The following MACROD2 variants were observed in gnomAD, a reference collection of about 807,000 sequenced individuals.
MACROD2 encodes ADP-ribose glycohydrolase MACROD2.
A neutral mutation model predicts 70.4 loss-of-function variants in MACROD2; 36 were observed. The observed-to-expected ratio is 0.51, with a 90% confidence interval of 0.39 to 0.68. The LOEUF is 0.68. Ranked by LOEUF, MACROD2 falls within the 30% of genes least tolerant of loss-of-function variation. The probability of loss-of-function intolerance (pLI) is 0.00; values close to 1 mark genes in which losing one functional copy is unlikely to be tolerated. For synonymous variants in MACROD2, 172 were observed against 178.8 expected, an observed-to-expected ratio of 0.96 and a Z score of 0.30; for missense variants, 496 against 538.4, an observed-to-expected ratio of 0.92 and a Z score of 0.78.
intron 3 of MACROD2, among the ~76,000 whole-genome samples, chr20:14,350,711 T>A (rs2083115719): frequency 1.3e-5 from 2 of 152,208 alleles, no homozygotes; most frequent in African/African-American, 4.8e-5. Context: ...GTGGGTTGTC[T>A]CTTCACTTTG....
At chr20:15,771,991 A>G (rs1329344269) in intron 8 of MACROD2, among the ~76,000 whole-genome samples, 2 of 149,380 alleles carry the variant, frequency 1.3e-5, no homozygotes, top group Non-Finnish European at 3.0e-5. Flanking sequence ...AGGCTGAGGC[A>G]GGAGAATGGC....
At chr20:14,224,721 G>T (rs2081716205) in intron 3 of MACROD2, among the ~76,000 whole-genome samples, 2 of 152,124 alleles carry the variant, frequency 1.3e-5, no homozygotes, top group Admixed American at 1.3e-4. Context: ...ATGTTTTGTA[G>T]GGAGGAGAAA....
At chr20:14,207,273 GT>G (rs778943306) in intron 3 of MACROD2, among the ~76,000 whole-genome samples, 7 of 151,600 alleles carry the variant, frequency 4.6e-5, no homozygotes, top group Non-Finnish European at 1.0e-4. Flanking sequence ...AATTTTTGTG[GT>G]TTTTTTTAGT....
intron 5 of MACROD2, among the ~76,000 whole-genome samples, chr20:14,764,883 G>A (rs1371612752): frequency 6.6e-6 from 1 of 152,026 alleles, no homozygotes; most frequent in South Asian, 2.1e-4. Flanking sequence ...GGATCAGGAT[G>A]GATGGAATAT....
chr20:14,989,498 G>A (rs2074881188), intron 5 of MACROD2, among the ~76,000 whole-genome samples: 1 of 152,150 alleles, frequency 6.6e-6, no homozygotes, highest in Non-Finnish European at 1.5e-5. Context: ...CAAGAAAAGG[G>A]AGTGGAGGCA....
At chr20:15,326,089 T>C (rs1028049510) in intron 6 of MACROD2, among the ~76,000 whole-genome samples, 2 of 152,068 alleles carry the variant, frequency 1.3e-5, no homozygotes, top group African/African-American at 2.4e-5. Context: ...CAATCAGGAC[T>C]GTTTTTCATA....
intron 5 of MACROD2, among the ~76,000 whole-genome samples, chr20:15,026,622 C>T (rs1268508850): frequency 6.6e-6 from 1 of 151,992 alleles, no homozygotes; most frequent in Admixed American, 6.6e-5. Flanking sequence ...TTGCCTGCAT[C>T]AAAATGTGCT....
intron 8 of MACROD2, among the ~76,000 whole-genome samples, chr20:15,567,812 C>T (rs943924326): frequency 7.2e-5 from 11 of 152,348 alleles, no homozygotes; most frequent in African/African-American, 2.2e-4. Context: ...AGCTGTTTCT[C>T]TGCTCCAGTG....
At chr20:15,234,704 A>T (rs913922440) in intron 6 of MACROD2, among the ~76,000 whole-genome samples, 1 of 152,134 alleles carries the variant, frequency 6.6e-6, no homozygotes, top group Admixed American at 6.5e-5. Context: ...TCTAAAACAT[A>T]CTAACAGAAA....
intron 5 of MACROD2, among the ~76,000 whole-genome samples, chr20:15,188,104 T>C (rs2076545599): frequency 6.6e-6 from 1 of 152,202 alleles, no homozygotes; most frequent in Non-Finnish European, 1.5e-5. Flanking sequence ...TCATCTTTGA[T>C]ATATTAATAT....
intron 3 of MACROD2, among the ~76,000 whole-genome samples, chr20:14,154,696 G>A (rs1007430511): frequency 2.6e-5 from 4 of 151,796 alleles, no homozygotes; most frequent in Non-Finnish European, 5.9e-5. Flanking sequence ...ATAGGCGTGA[G>A]CCACCGCGCC....
chr20:14,784,163 A>G (rs2072335708), intron 5 of MACROD2, among the ~76,000 whole-genome samples: 3 of 152,100 alleles, frequency 2.0e-5, no homozygotes, highest in Non-Finnish European at 4.4e-5. Flanking sequence ...TCGCTCCTAC[A>G]GTCAATCACG....
intron 6 of MACROD2, among the ~76,000 whole-genome samples, chr20:15,365,554 A>G (rs57788234): frequency 0.037 from 5,669 of 151,902 alleles, 352 homozygotes; most frequent in African/African-American, 0.13. Flanking sequence ...CCAGGTACTT[A>G]GGAGGCTGAG....
chr20:14,944,145 G>T (rs2074411635), intron 5 of MACROD2, among the ~76,000 whole-genome samples: 1 of 151,958 alleles, frequency 6.6e-6, no homozygotes, highest in African/African-American at 2.4e-5. Flanking sequence ...CCTAACTCCT[G>T]AGAAGGTATT....
intron 3 of MACROD2, among the ~76,000 whole-genome samples, chr20:14,311,879 T>G (rs368077592): frequency 6.6e-5 from 10 of 152,250 alleles, no homozygotes; most frequent in African/African-American, 1.4e-4. Flanking sequence ...CCACCCAAAT[T>G]ATTTCAATTT....
Position 14,193,632 on chromosome 20 carries a change from A to C in MACROD2, c.271+107904A>C, listed in dbSNP as rs543061078. Among the ~76,000 whole-genome samples, 3 of 152,328 alleles carry C rather than the reference A, an allele frequency of 2.0e-5. No homozygotes were observed. In the East Asian group the frequency reaches 5.8e-4, roughly 29 times the overall value. On this transcript the variant is annotated intron_variant, in intron 3 of 17. Transcript: ENST00000684519. Reference sequence around the variant, plus strand: ...GTTGCCCGGGTCAAGTAAGAACTTGAGTCCTGCAGGAGGAGCTAGAGCTGT... The same window carrying C: ...GTTGCCCGGGTCAAGTAAGAACTTGCGTCCTGCAGGAGGAGCTAGAGCTGT...
chr20:15,769,192 G>T (rs2051579980), intron 8 of MACROD2, among the ~76,000 whole-genome samples: 1 of 152,132 alleles, frequency 6.6e-6, no homozygotes, highest in Non-Finnish European at 1.5e-5. Flanking sequence ...CTCTCACCCA[G>T]GCTGGAGTGC....
At chr20:14,180,367 G>A (rs1267577393) in intron 3 of MACROD2, among the ~76,000 whole-genome samples, 1 of 151,980 alleles carries the variant, frequency 6.6e-6, no homozygotes, top group East Asian at 1.9e-4. Flanking sequence ...TACATTCCAG[G>A]TTAATTCTTG....
intron 3 of MACROD2, among the ~76,000 whole-genome samples, chr20:14,273,776 G>T (rs528485169): frequency 2.0e-4 from 31 of 152,056 alleles, no homozygotes; most frequent in Non-Finnish European, 3.8e-4. Context: ...AAAGAGAGAA[G>T]AATCAAATAG....
Sources: gnomAD v4.1 joint callset for allele counts (sites outside exome capture counted in the v4.1 genomes callset) on GRCh38, gnomAD v4.1.1 for gene constraint, MANE v1.5 for transcripts, NCBI Gene and HGNC (gene_info 2026-07-23, HGNC 2026-07-21) for gene names.